Variants in DNAJC11 observed in about 807,000 individuals in gnomAD.
The protein encoded by DNAJC11 is DnaJ heat shock protein family (Hsp40) member C11.
Under a neutral mutation model 78.6 loss-of-function variants are expected in DNAJC11, and 15 were observed. The ratio of observed to expected loss-of-function variants is 0.19; its 90% CI spans 0.13 to 0.29. The LOEUF (loss-of-function observed/expected upper bound fraction) is 0.29. DNAJC11 is among the 10% of genes least tolerant of loss of function. DNAJC11 has a pLI of 1.00. For synonymous variants in DNAJC11, 292 were observed against 272.1 expected (o/e 1.07, Z -0.72); for missense variants, 547 against 709.6 (o/e 0.77, Z 2.60).
chr1:6,658,398 A>G (rs1206533533), intron 4 of DNAJC11, among the ~76,000 whole-genome samples: 1 of 152,244 alleles, frequency 6.6e-6, no homozygotes, highest in African/African-American at 2.4e-5. Flanking sequence ...CTGAGTAATT[A>G]TATGGTCACC....
chr1:6,634,340 A>C lies in DNAJC11; in HGVS notation c.*1335T>G. 1 of 1,088,128 alleles carries C rather than the reference A, an allele frequency of 9.2e-7. No individual in the cohort carries two copies. The highest frequency in any genetic ancestry group is 1.3e-6 in the Non-Finnish European group (1 of 798,364). 67.4% of individuals were successfully genotyped at this position (1,088,128 alleles called of 1,614,324 possible). ...GGCTCGGGCCGTGGGGCCGTCAGAG[A>C]AACCTTTTTAAAAAATGGAGATGAA... On this transcript the variant is annotated 3_prime_UTR_variant, in exon 16 of 16. Coordinates refer to ENST00000377577, the MANE Select transcript of DNAJC11 (RefSeq NM_018198.4).
chr1:6,637,967 C>T (rs185654126), intron 12 of DNAJC11: 21 of 386,698 alleles, frequency 5.4e-5, no homozygotes, highest in South Asian at 2.5e-4. Flanking sequence ...CGCCAGGCCG[C>T]GCACACGGCC....
intron 4 of DNAJC11, among the ~76,000 whole-genome samples, chr1:6,655,841 T>C (rs7551708): frequency 0.36 from 54,675 of 151,464 alleles, 10,179 homozygotes; most frequent in African/African-American, 0.43. Flanking sequence ...TGGTGGCTCA[T>C]GCCTGTAATC....
intron 3 of DNAJC11, among the ~76,000 whole-genome samples, chr1:6,676,990 A>G (rs1193229183): frequency 1.3e-5 from 2 of 152,048 alleles, no homozygotes; most frequent in Non-Finnish European, 2.9e-5. Flanking sequence ...CCTGACCAAC[A>G]TGGAGAAACC....
intron 7 of DNAJC11, among the ~76,000 whole-genome samples, chr1:6,646,858 C>T (rs1263083728): frequency 6.6e-6 from 1 of 152,014 alleles, no homozygotes; most frequent in Non-Finnish European, 1.5e-5. Flanking sequence ...GATGTTTATG[C>T]CATTAAAATA....
chr1:6,688,553 C>G (rs1030790502), intron 1 of DNAJC11, among the ~76,000 whole-genome samples: 7 of 152,114 alleles, frequency 4.6e-5, no homozygotes, highest in African/African-American at 1.4e-4. Context: ...TCCCCACCCC[C>G]CAAAAAAACT....
intron 7 of DNAJC11, among the ~76,000 whole-genome samples, chr1:6,649,777 G>A (rs2148732171): frequency 6.7e-6 from 1 of 150,202 alleles, no homozygotes; most frequent in South Asian, 2.1e-4. Context: ...GTGTGATCTT[G>A]GATCATTGCA....
At chr1:6,662,258 A>C (rs942368188) in intron 4 of DNAJC11, among the ~76,000 whole-genome samples, 1 of 151,328 alleles carries the variant, frequency 6.6e-6, no homozygotes, top group African/African-American at 2.4e-5. Flanking sequence ...CAGTGGCGCG[A>C]TCTCGGCTCA....
At chr1:6,696,348 A>G (rs12038606) in intron 1 of DNAJC11, among the ~76,000 whole-genome samples, 1 of 152,348 alleles carries the variant, frequency 6.6e-6, no homozygotes, top group East Asian at 1.9e-4. Flanking sequence ...GAGTCGCTCA[A>G]ATTGGCACAG....
intron 7 of DNAJC11, chr1:6,650,912 C>T (rs767255398): frequency 4.0e-4 from 138 of 345,034 alleles, no homozygotes; most frequent in Non-Finnish European, 7.2e-4. Context: ...TCCATGTGCT[C>T]CATTCTAGGA....
intron 3 of DNAJC11, among the ~76,000 whole-genome samples, chr1:6,673,021 C>T (rs35005772): frequency 0.36 from 54,933 of 151,394 alleles, 10,334 homozygotes; most frequent in African/African-American, 0.43. Flanking sequence ...CATGGCAAAA[C>T]CCTGTCTCTA....
intron 3 of DNAJC11, among the ~76,000 whole-genome samples, chr1:6,676,596 C>T (rs1272938296): frequency 6.6e-6 from 1 of 152,096 alleles, no homozygotes; most frequent in Non-Finnish European, 1.5e-5. Context: ...AGGAGACTCA[C>T]TTGAGCCTGG....
At chr1:6,648,696 A>T (rs1389747887) in intron 7 of DNAJC11, among the ~76,000 whole-genome samples, 7 of 151,622 alleles carry the variant, frequency 4.6e-5, no homozygotes, top group African/African-American at 1.7e-4. Context: ...AGCTCAAGTG[A>T]TCGTCTCACC....
rs764908372 is a variant in DNAJC11, at chr1:6,653,158, C to G, written c.508-207G>C. On this transcript the variant is annotated intron_variant, in intron 5 of 15. Coordinates refer to ENST00000377577, the MANE Select transcript of DNAJC11 (RefSeq NM_018198.4). The surrounding 1 kb of genome is among the most constrained non-coding windows in gnomAD (Gnocchi z 4.5). ...TGCATGTGACCACGAGGGTAATATG[C>G]TTTGCAAAAGCTTTAATGGGCACAT... is the stretch of plus-strand genomic sequence containing the variant. Among the ~76,000 whole-genome samples, 18 of 152,178 alleles carry G rather than the reference C, an allele frequency of 1.2e-4. No individual in the cohort carries two copies. The highest frequency in any genetic ancestry group is 2.4e-4 in the Non-Finnish European group (16 of 68,032).
chr1:6,694,900 G>A (rs1014641727), intron 1 of DNAJC11, among the ~76,000 whole-genome samples: 62 of 147,016 alleles, frequency 4.2e-4, no homozygotes, highest in Admixed American at 1.7e-3. Flanking sequence ...GCGTGAACCC[G>A]GGAGGCGGAG....
chr1:6,651,087 G>T, intron 7 of DNAJC11: 1 of 534,658 alleles, frequency 1.9e-6, no homozygotes, highest in South Asian at 1.4e-5. Context: ...AGTGTGACAT[G>T]GCAGCAGCAG....
At chr1:6,669,673 G>C (rs940067952) in intron 3 of DNAJC11, among the ~76,000 whole-genome samples, 1 of 152,136 alleles carries the variant, frequency 6.6e-6, no homozygotes, top group African/African-American at 2.4e-5. Flanking sequence ...CCGTGAAAGA[G>C]GCAACCGCAC....
At chr1:6,699,290 CT>C (rs1642888158) in intron 1 of DNAJC11, among the ~76,000 whole-genome samples, 1 of 152,164 alleles carries the variant, frequency 6.6e-6, no homozygotes, top group Non-Finnish European at 1.5e-5. Context: ...GAGTGAGACC[CT>C]GTCTCTAAAC....
At position 6,634,462 on chromosome 1, in the gene DNAJC11, C is replaced by T; in HGVS notation, c.*1213G>A. The T allele has an allele frequency of 7.6e-7, 1 of 1,307,524 alleles. No homozygotes were observed. Among genetic ancestry groups the T allele is most frequent in the South Asian group, 1.3e-5 (1 of 79,718 alleles). 81.0% of individuals were successfully genotyped at this position (1,307,524 alleles called of 1,614,324 possible). A position where few individuals can be genotyped will look rare whatever the true frequency, so the allele number is the denominator to read the frequency against. On this transcript the variant is annotated 3_prime_UTR_variant, in exon 16 of 16. Coordinates refer to ENST00000377577, the MANE Select transcript of DNAJC11 (RefSeq NM_018198.4). ...ACCAGTGCTGGGGAGGGAGGCCTGA[C>T]TTCAGCAACAGCTGTGGGTGGGCTG...
Sources: allele counts gnomAD v4.1 joint callset (sites outside exome capture counted in the v4.1 genomes callset), GRCh38; gene constraint gnomAD v4.1.1; non-coding constraint Gnocchi (gnomAD v3.1); transcripts MANE v1.5; gene names NCBI Gene and HGNC (gene_info 2026-07-23, HGNC 2026-07-21).